Variants in GLDC observed in about 807,000 individuals in gnomAD.
The protein encoded by GLDC is glycine decarboxylase, also known as glycine dehydrogenase (decarboxylating), mitochondrial.
In GLDC, 104 loss-of-function variants were observed where a neutral mutation model predicts 121.3. The observed-to-expected ratio is 0.86, with a 90% CI of 0.73 to 1.01. The LOEUF (loss-of-function observed/expected upper bound fraction) is 1.01, where lower values mean the gene tolerates loss of function less well. Among genes scored for constraint, GLDC ranks in the 50% least tolerant of loss-of-function variants. The pLI is 0.00. For synonymous variants in GLDC, 546 were observed against 480.6 expected, an observed-to-expected ratio of 1.14 and a Z score of -1.78; for missense variants, 1,429 against 1,306.6, an observed-to-expected ratio of 1.09 and a Z score of -1.44.
At chr9:6,596,783 C>T (rs1272094632) in intron 8 of GLDC, among the ~76,000 whole-genome samples, 1 of 152,178 alleles carries the variant, frequency 6.6e-6, no homozygotes, top group Non-Finnish European at 1.5e-5. Context: ...TATTCATATG[C>T]TGCTGGTAGG....
At position 6,605,237 on chromosome 9, in the gene GLDC, A is replaced by G. The variant is rs766114667; in HGVS notation, c.755T>C (p.Met252Thr). The change falls in exon 6 of 25, where the codon ATG (methionine) becomes ACG (threonine). Residue 252 changes from methionine to threonine, a missense_variant. Coordinates refer to ENST00000321612, the MANE Select transcript of GLDC (RefSeq NM_000170.3). ...VLTELKLPCEMDFSGKDVSGV... is the reference protein window; with the variant it reads ...VLTELKLPCETDFSGKDVSGV... ...ACTGACATCTTTTCCACTGAAGTCCATTTCACAGGGTAACTTCAGCTCAGT... is the reference window on the plus strand; with the variant it reads ...ACTGACATCTTTTCCACTGAAGTCCGTTTCACAGGGTAACTTCAGCTCAGT... 4 of 1,613,770 alleles carry G rather than the reference A, an allele frequency of 2.5e-6. No homozygotes were observed. Among genetic ancestry groups the G allele is most frequent in the Middle Eastern group, 1.7e-4 (1 of 6,056 alleles).
intron 20 of GLDC, 47 bp downstream of exon 20, chr9:6,553,321 T>C (rs757838033): frequency 6.3e-7 from 1 of 1,587,384 alleles, no homozygotes; most frequent in Non-Finnish European, 8.6e-7. Context: ...CATGCATGCC[T>C]GACGCCCCCA....
rs564265381 is a variant in GLDC at position 6,639,031 on chromosome 9, CTCAGAGTG to C, written c.334+5575_334+5582del. 8.2e-4 allele frequency: 452 copies of C among 553,422 alleles called. 1 individual carries two copies. Among genetic ancestry groups the C allele is most frequent in the African/African-American group, 7.9e-3 (415 of 52,578 alleles). The allele number at this position is 553,422 out of a possible 1,614,324, so 34.3% of individuals were successfully genotyped here. On this transcript the variant is annotated intron_variant, in intron 2 of 24. Transcript: ENST00000321612. ...CTCAGAAAAAAAAAAAAAGTATATCCTCAGAGTGTCTTTCAATAGTAGTCAGTAAACAT... is the reference window on the plus strand; with the variant it reads ...CTCAGAAAAAAAAAAAAAGTATATCCTCTTTCAATAGTAGTCAGTAAACAT...
chr9:6,557,549 G>C (rs575470631), intron 17 of GLDC: 1 of 151,652 alleles, frequency 6.6e-6, no homozygotes, highest in Non-Finnish European at 1.5e-5. Context: ...AGCCGAGATC[G>C]TGCCACTGCA....
chr9:6,645,350 C>A lies in GLDC; in HGVS notation c.150G>T (p.Ser50=), dbSNP rs768354829. 2.0e-6 allele frequency: 3 copies of A among 1,536,576 alleles called. No homozygotes were observed. The highest frequency in any genetic ancestry group is 1.4e-5 in the African/African-American group (1 of 71,378). The change falls in exon 1 of 25, where the codon TCG becomes TCT. Residue 50 remains serine, a synonymous_variant. Coordinates refer to ENST00000321612, the MANE Select transcript of GLDC (RefSeq NM_000170.3). ...TGGGCAGAAGGCGCTCCAGGAGGCG[C>A]GAGGCCCCAGCCGCGGCGCTGTCCC... ...GGGDSAAAGA[S]RLLERLLPRH...
intron 15 of GLDC, among the ~76,000 whole-genome samples, chr9:6,566,726 A>G (rs1817862277): frequency 6.6e-6 from 1 of 151,526 alleles, no homozygotes. Flanking sequence ...CAAAATGTGT[A>G]TGTCTGCGAA....
Position 6,627,139 on chromosome 9 carries a change from CA to C in GLDC, c.335-6821del, listed in dbSNP as rs1452493503. On this transcript the variant is annotated intron_variant, in intron 2 of 24. Coordinates refer to ENST00000321612, the MANE Select transcript of GLDC (RefSeq NM_000170.3). ...TGAAACCCCATCTCTACTAAAAATA[CA>C]AAAAAATTAGCCAGGTGTGTTGGCG... Among the ~76,000 whole-genome samples, 8 of 151,590 alleles carry C rather than the reference CA, an allele frequency of 5.3e-5. No individual in the cohort carries two copies. In the South Asian group the frequency reaches 1.0e-3, roughly 20 times the overall value.
intron 4 of GLDC, 134 bp from the exon 5 acceptor site, chr9:6,606,803 T>A (rs778554573): frequency 3.9e-5 from 28 of 710,128 alleles, no homozygotes; most frequent in Non-Finnish European, 6.2e-5. Context: ...CCGGGTGCGG[T>A]GGCTCACGCC....
chr9:6,585,856 G>C (rs143238289), intron 15 of GLDC, among the ~76,000 whole-genome samples: 6,247 of 97,712 alleles, frequency 0.064, 216 homozygotes, highest in African/African-American at 0.13. Context: ...ATGTATGTAT[G>C]TATGTATGTA....
chr9:6,629,189 T>C (rs1819309712), intron 2 of GLDC, among the ~76,000 whole-genome samples: 2 of 151,408 alleles, frequency 1.3e-5, no homozygotes, highest in Non-Finnish European at 2.9e-5. Context: ...TACTTTCCAA[T>C]AGCAATAAGA....
At chr9:6,604,855 T>C in intron 6 of GLDC, 71 bp from the exon 7 acceptor site, 2 of 1,235,162 alleles carry the variant, frequency 1.6e-6, no homozygotes, top group Non-Finnish European at 2.4e-6. Context: ...AGTAGGAAAT[T>C]ATCTTAACTA....
At chr9:6,602,758 T>C (rs1818643119) in intron 7 of GLDC, among the ~76,000 whole-genome samples, 1 of 152,132 alleles carries the variant, frequency 6.6e-6, no homozygotes, top group Non-Finnish European at 1.5e-5. Context: ...AATACAATAA[T>C]GGTGACTGGG....
chr9:6,542,305 A>G (rs10975637), intron 21 of GLDC: 1 of 152,222 alleles, frequency 6.6e-6, no homozygotes, highest in Non-Finnish European at 1.5e-5. Context: ...GTAGTGCCAT[A>G]ACAGCTCACT....
At position 6,629,948 on chromosome 9, in the gene GLDC, T is replaced by TAC. The variant is rs1563870182; in HGVS notation, c.335-9630_335-9629insGT. Among the ~76,000 whole-genome samples, 338 of 86,772 alleles carry TAC rather than the reference T, an allele frequency of 3.9e-3. 7 individuals carry two copies. The highest frequency in any genetic ancestry group is 0.017 in the African/African-American group (241 of 13,826). The allele number at this position is 86,772 out of a possible 152,430, so 56.9% of individuals were successfully genotyped here. A position where few individuals can be genotyped will look rare whatever the true frequency, so the allele number is the denominator to read the frequency against. On this transcript the variant is annotated intron_variant, in intron 2 of 24. Coordinates refer to ENST00000321612, the MANE Select transcript of GLDC (RefSeq NM_000170.3). ...TTTTCACTATATATATATATATGTA[T>TAC]ATATATATATTTTTTTTTTTTAAGA...
chr9:6,591,646 G>A lies in GLDC; in HGVS notation c.1482+497C>T, dbSNP rs556921216. Among the ~76,000 whole-genome samples, 622 of 152,054 alleles carry A rather than the reference G, an allele frequency of 4.1e-3. 4 individuals carry two copies. Among genetic ancestry groups the A allele is most frequent in the African/African-American group, 0.014 (560 of 41,454 alleles). On this transcript the variant is annotated intron_variant, in intron 11 of 24. Transcript: ENST00000321612. Reference sequence around the variant, plus strand: ...GCTGCCCAGGCTAGAGTGCAATGGCGCAATCTCAGCTCACTGCAACCGCCG... The same window carrying A: ...GCTGCCCAGGCTAGAGTGCAATGGCACAATCTCAGCTCACTGCAACCGCCG...
At chr9:6,605,495 C>T in intron 5 of GLDC, 4 of 602,734 alleles carry the variant, frequency 6.6e-6, no homozygotes, top group Non-Finnish European at 1.2e-5. Context: ...CTCTTCTATC[C>T]TCTGACTCCC....
At chr9:6,606,447 G>A in intron 5 of GLDC, 145 bp downstream of exon 5, 1 of 700,104 alleles carries the variant, frequency 1.4e-6, no homozygotes, top group Admixed American at 2.0e-5. Flanking sequence ...TGAGAGGTAA[G>A]GCAAAACTCA....
At chr9:6,584,045 C>T (rs1449326979) in intron 15 of GLDC, among the ~76,000 whole-genome samples, 1 of 152,134 alleles carries the variant, frequency 6.6e-6, no homozygotes, top group Non-Finnish European at 1.5e-5. Context: ...GTATATTTTA[C>T]CACAATAAAA....
intron 15 of GLDC, among the ~76,000 whole-genome samples, chr9:6,581,718 T>G (rs192594221): frequency 8.5e-5 from 13 of 152,074 alleles, no homozygotes; most frequent in African/African-American, 3.1e-4. Context: ...GGACTAAGAG[T>G]GGATAAAGGT....
Sources: allele counts gnomAD v4.1 joint callset (sites outside exome capture counted in the v4.1 genomes callset), GRCh38; gene constraint gnomAD v4.1.1; transcripts MANE v1.5; gene names NCBI Gene and HGNC (gene_info 2026-07-23, HGNC 2026-07-21).